Variants in PSMA7 observed in about 807,000 individuals in gnomAD.
PSMA7 encodes the protein proteasome 20S subunit alpha 7, also known as proteasome subunit alpha type-7.
Under a neutral mutation model 31.3 loss-of-function variants are expected in PSMA7, and 5 were observed. That is an observed-to-expected ratio of 0.16 (90% CI 0.08 to 0.34). The LOEUF is 0.34. Among genes scored for constraint, PSMA7 ranks in the 10% least tolerant of loss-of-function variants. The pLI is 1.00. For missense variants in PSMA7, 217 were observed against 327.5 expected (o/e 0.66, Z 2.60); for synonymous variants, 155 against 121.9 (o/e 1.27, Z -1.79).
At position 62,143,283 on chromosome 20, in the gene PSMA7, G is replaced by A. The variant is rs779816403; in HGVS notation, c.21C>T (p.Ile7=). The change falls in exon 1 of 7, where the codon ATC becomes ATT. Residue 7 remains isoleucine, a synonymous_variant. Coordinates refer to ENST00000370873, the MANE Select transcript of PSMA7 (RefSeq NM_002792.4). MSYDRA[I]TVFSPDGHLF... ...GGTGGCCGTCGGGCGAGAAGACGGT[G>A]ATGGCGCGGTCGTAGCTCATGCCGG... 4.8e-6 allele frequency: 7 copies of A among 1,472,076 alleles called. No homozygotes were observed. In the African/African-American group the frequency reaches 7.4e-5, roughly 16 times the overall value. 91.2% of individuals were successfully genotyped at this position (1,472,076 alleles called of 1,614,324 possible).
At chr20:62,140,787 GAGTA>G in intron 2 of PSMA7, 27 bp downstream of exon 2, 2 of 1,612,902 alleles carry the variant, frequency 1.2e-6, no homozygotes, top group African/African-American at 1.3e-5. Flanking sequence ...AGACTCTAGA[GAGTA>G]AGACAGCGCT....
At chr20:62,140,286 A>G (rs573772556) in intron 2 of PSMA7, among the ~76,000 whole-genome samples, 2 of 152,384 alleles carry the variant, frequency 1.3e-5, no homozygotes, top group Admixed American at 6.5e-5. Context: ...CCATACTTAA[A>G]TACAGTACCT....
intron 4 of PSMA7, 69 bp from the exon 5 acceptor site, chr20:62,138,359 C>T: frequency 6.5e-7 from 1 of 1,529,050 alleles, no homozygotes; most frequent in South Asian, 1.3e-5. Flanking sequence ...TGGAACACAG[C>T]TGCCCTACAT....
In PSMA7 at chr20:62,139,201, G is replaced by A. The variant is rs376429737; in HGVS notation, c.349-4C>T. The A allele has an allele frequency of 1.9e-5, 31 of 1,613,084 alleles. No individual in the cohort carries two copies. Among genetic ancestry groups the A allele is most frequent in the Middle Eastern group, 1.6e-4 (1 of 6,080 alleles). On this transcript the variant is annotated splice_region_variant and splice_polypyrimidine_tract_variant and intron_variant, in intron 3 of 6. Transcript: ENST00000370873. ...GCCCATTGCTCTGCGTATAACGCTA[G>A]CAAGAAAAGAAACAGGTCAGTGCCA... is the stretch of plus-strand genomic sequence containing the variant.
At chr20:62,141,142 G>A (rs1413235971) in intron 1 of PSMA7, among the ~76,000 whole-genome samples, 198 bp from the exon 2 acceptor site, 2 of 152,194 alleles carry the variant, frequency 1.3e-5, no homozygotes, top group East Asian at 3.8e-4. Flanking sequence ...GGTGGCTGAA[G>A]CCTGTAGTCC....
intron 1 of PSMA7, among the ~76,000 whole-genome samples, chr20:62,141,886 G>C (rs1271208167): frequency 6.6e-6 from 1 of 152,238 alleles, no homozygotes; most frequent in Non-Finnish European, 1.5e-5. Flanking sequence ...CAGAAACAAA[G>C]GGAACCATCA....
At chr20:62,138,992 C>G in intron 4 of PSMA7, 83 bp downstream of exon 4, 1 of 1,530,724 alleles carries the variant, frequency 6.5e-7, no homozygotes, top group Non-Finnish European at 8.9e-7. Context: ...GATACAGGGC[C>G]TACAGCAGGA....
intron 1 of PSMA7, among the ~76,000 whole-genome samples, chr20:62,141,223 C>T (rs2056925534): frequency 1.3e-5 from 2 of 152,120 alleles, no homozygotes. Flanking sequence ...GCCATGACGG[C>T]TGGGAGACAG....
intron 4 of PSMA7, among the ~76,000 whole-genome samples, 189 bp downstream of exon 4, chr20:62,138,886 T>TAC (rs2145663764): frequency 6.6e-6 from 1 of 152,340 alleles, no homozygotes; most frequent in Admixed American, 6.5e-5. Context: ...GGACTACGCT[T>TAC]ACACCTTGCT....
At position 62,143,280 on chromosome 20, in the gene PSMA7, G is replaced by T. The variant is rs771812054; in HGVS notation, c.24C>A (p.Thr8=). 1 of 1,470,970 alleles carries T rather than the reference G, an allele frequency of 6.8e-7. No individual in the cohort carries two copies. 91.1% of individuals were successfully genotyped at this position (1,470,970 alleles called of 1,614,324 possible). A position where few individuals can be genotyped will look rare whatever the true frequency, so the allele number is the denominator to read the frequency against. The change falls in exon 1 of 7, where the codon ACC becomes ACA. Residue 8 remains threonine, a synonymous_variant. Coordinates refer to ENST00000370873, the MANE Select transcript of PSMA7 (RefSeq NM_002792.4). ...AGAGGTGGCCGTCGGGCGAGAAGAC[G>T]GTGATGGCGCGGTCGTAGCTCATGC... MSYDRAI[T]VFSPDGHLFQ...
intron 6 of PSMA7, among the ~76,000 whole-genome samples, 197 bp from the exon 7 acceptor site, chr20:62,137,146 T>A (rs554780123): frequency 6.6e-6 from 1 of 152,250 alleles, no homozygotes; most frequent in African/African-American, 2.4e-5. Flanking sequence ...CAGATCTGAC[T>A]GGCAGCCGCT....
chr20:62,140,188 A>G (rs1182260019), intron 2 of PSMA7, among the ~76,000 whole-genome samples: 3 of 152,214 alleles, frequency 2.0e-5, no homozygotes, highest in Non-Finnish European at 2.9e-5. Context: ...TTGTAAATAA[A>G]AAATTGTAGG....
At chr20:62,141,213 G>A (rs2056925464) in intron 1 of PSMA7, among the ~76,000 whole-genome samples, 1 of 152,160 alleles carries the variant, frequency 6.6e-6, no homozygotes, top group Admixed American at 6.5e-5. Flanking sequence ...GCTGCAGTGA[G>A]CCATGACGGC....
At position 62,136,819 on chromosome 20, in the gene PSMA7, T is replaced by C; in HGVS notation, c.*38A>G. 2.5e-6 allele frequency: 4 copies of C among 1,579,502 alleles called. No homozygotes were observed. The highest frequency in any genetic ancestry group is 2.3e-5 in the South Asian group (2 of 85,450). On this transcript the variant is annotated 3_prime_UTR_variant, in exon 7 of 7. Transcript: ENST00000370873. ...CACATCGAGACTCATCCATGATTGA[T>C]ATGAATTTAAAAATTACAAGCAAAG...
rs1304886045 is a variant in PSMA7 at position 62,142,845 on chromosome 20, G to T, written c.96+363C>A. Among the ~76,000 whole-genome samples, 2 of 151,650 alleles carry T rather than the reference G, an allele frequency of 1.3e-5. 1 individual carries two copies. Among genetic ancestry groups the T allele is most frequent in the Admixed American group, 1.3e-4 (2 of 15,238 alleles). ...CCCCCGCGCTCCGCGGCCCAGAGCG[G>T]CCCTCGCCCGGCCTCTGCTCGCCGG... On this transcript the variant is annotated intron_variant, in intron 1 of 6. Coordinates refer to ENST00000370873, the MANE Select transcript of PSMA7 (RefSeq NM_002792.4).
intron 5 of PSMA7, among the ~76,000 whole-genome samples, chr20:62,137,887 G>C (rs1026047218): frequency 1.3e-5 from 2 of 152,152 alleles, no homozygotes; most frequent in African/African-American, 4.8e-5. Context: ...TCCACAGCTG[G>C]ACAGCTGGGT....
chr20:62,138,072 C>T, intron 5 of PSMA7, 99 bp downstream of exon 5: 1 of 1,526,100 alleles, frequency 6.6e-7, no homozygotes, highest in South Asian at 1.1e-5. Context: ...AGCATTACTG[C>T]TGGATCCTTG....
intron 2 of PSMA7, 55 bp downstream of exon 2, chr20:62,140,763 C>T (rs1373486136): frequency 1.9e-6 from 3 of 1,599,092 alleles, no homozygotes; most frequent in East Asian, 4.5e-5. Context: ...TCTCCAAAGC[C>T]CTATTCTTCG....
intron 1 of PSMA7, 121 bp downstream of exon 1, chr20:62,143,087 G>A (rs2056949028): frequency 2.3e-6 from 1 of 443,762 alleles, no homozygotes; most frequent in Non-Finnish European, 3.0e-6. Context: ...GACCGCCCGC[G>A]CCGCTGCCCC....
Sources: gnomAD v4.1 joint callset for allele counts (sites outside exome capture counted in the v4.1 genomes callset) on GRCh38, gnomAD v4.1.1 for gene constraint, MANE v1.5 for transcripts, NCBI Gene and HGNC (gene_info 2026-07-23, HGNC 2026-07-21) for gene names.